The following KCNQ1OT1 variants were observed in gnomAD, a reference collection of about 807,000 sequenced individuals.
KCNQ1OT1 encodes KCNQ1 opposite strand/antisense transcript 1, also known as KCNQ1 antisense RNA 2 (non-protein coding).
exon 1 of KCNQ1OT1, chr11:2,684,682 G>T: frequency 2.5e-6 from 1 of 398,632 alleles, no homozygotes; most frequent in Admixed American, 4.4e-5. Context: ...GGGAGCTAGT[G>T]GCCAACTGAG....
chr11:2,681,398 A>G, exon 1 of KCNQ1OT1: 1 of 398,482 alleles, frequency 2.5e-6, no homozygotes, highest in Non-Finnish European at 4.4e-6. Context: ...TGGGGTGACT[A>G]AAGGCAAAGA....
chr11:2,630,081 C>T, exon 1 of KCNQ1OT1: 1 of 398,256 alleles, frequency 2.5e-6, no homozygotes, highest in Admixed American at 4.4e-5. Flanking sequence ...TATTGTGTTG[C>T]AGTACATTCC....
Position 2,661,931 on chromosome 11 carries a change from T to A in KCNQ1OT1, n.38064A>T. 2.5e-6 allele frequency: 4 copies of A among 1,614,016 alleles called. No homozygotes were observed. Among genetic ancestry groups the A allele is most frequent in the Non-Finnish European group, 3.4e-6 (4 of 1,180,024 alleles). On this transcript the variant is annotated non_coding_transcript_exon_variant, in exon 1 of 1. Transcript: ENST00000597346. This position sits in a 1 kb window ranked among gnomAD's most constrained non-coding sequence, Gnocchi z 5.9. ...GCACTGGCAGGTTGGGTGGGAGGCC[T>A]AACGTGCTGTCCCCACACTTTCTCC...
rs540371489 is a variant in KCNQ1OT1, at chr11:2,644,952, G to A, written n.55043C>T. The stretch of plus-strand genomic sequence containing the variant: ...CCCAGTGGCAGCAGTGGCTGGCCCC[G>A]AATGCTTATCCTTGGGCCCAATGGT... On this transcript the variant is annotated non_coding_transcript_exon_variant, in exon 1 of 1. Transcript: ENST00000597346. The A allele has an allele frequency of 1.8e-4, 73 of 398,642 alleles. No individual in the cohort carries two copies. The highest frequency in any genetic ancestry group is 1.1e-3 in the African/African-American group (56 of 48,740). The allele number at this position is 398,642 out of a possible 1,614,324, so 24.7% of individuals were successfully genotyped here. A position where few individuals can be genotyped will look rare whatever the true frequency, so the allele number is the denominator to read the frequency against.
At chr11:2,648,449 A>G (rs1479866971) in exon 1 of KCNQ1OT1, 3 of 398,272 alleles carry the variant, frequency 7.5e-6, no homozygotes, top group African/African-American at 4.1e-5. Context: ...GTTGTACCCT[A>G]TACATTTTTG....
chr11:2,616,955 CTTG>C (rs576722735), exon 1 of KCNQ1OT1: 10 of 362,796 alleles, frequency 2.8e-5, no homozygotes, highest in Non-Finnish European at 4.7e-5. Context: ...TGTACATTAT[CTTG>C]TTGTGTTTTT....
exon 1 of KCNQ1OT1, chr11:2,609,333 A>G (rs1478499481): frequency 2.5e-6 from 1 of 398,212 alleles, no homozygotes; most frequent in African/African-American, 2.1e-5. Context: ...ATGTTTCCCT[A>G]ATTTCTTTGC....
rs1849281648 is a variant in KCNQ1OT1, at chr11:2,627,562, T to G, written n.72433A>C. 1 of 398,482 alleles carries G rather than the reference T, an allele frequency of 2.5e-6. No homozygotes were observed. Among genetic ancestry groups the G allele is most frequent in the African/African-American group, 2.1e-5 (1 of 48,622 alleles). 24.7% of individuals were successfully genotyped at this position (398,482 alleles called of 1,614,324 possible). On this transcript the variant is annotated non_coding_transcript_exon_variant, in exon 1 of 1. Transcript: ENST00000597346. The surrounding 1 kb of genome is among the most constrained non-coding windows in gnomAD (Gnocchi z 4.9). Reference sequence around the variant, plus strand: ...TGGGATAGTGCAGTATTTGTCTTTCTGTGTCTGGCTATTTCACTTAGCATA... The same window carrying G: ...TGGGATAGTGCAGTATTTGTCTTTCGGTGTCTGGCTATTTCACTTAGCATA...
rs767672299 is a variant in KCNQ1OT1 at position 2,613,266 on chromosome 11, C to T, written n.86729G>A. 3.0e-4 allele frequency: 118 copies of T among 398,432 alleles called. No individual in the cohort carries two copies. Among genetic ancestry groups the T allele is most frequent in the Non-Finnish European group, 4.6e-4 (105 of 226,056 alleles). The allele number at this position is 398,432 out of a possible 1,614,324, so 24.7% of individuals were successfully genotyped here. ...GATAAGTAGATAGCAGGAAACCTCT[C>T]TGATCTCTCCTGCAAGCATGTACAA... On this transcript the variant is annotated non_coding_transcript_exon_variant, in exon 1 of 1. Transcript: ENST00000597346. This position sits in a 1 kb window ranked among gnomAD's most constrained non-coding sequence, Gnocchi z 4.8.
At position 2,611,182 on chromosome 11, in the gene KCNQ1OT1, A is replaced by T; in HGVS notation, n.88813T>A. 2.5e-6 allele frequency: 1 copy of T among 398,290 alleles called. No homozygotes were observed. The highest frequency in any genetic ancestry group is 4.4e-6 in the Non-Finnish European group (1 of 226,000). 24.7% of individuals were successfully genotyped at this position (398,290 alleles called of 1,614,324 possible). On this transcript the variant is annotated non_coding_transcript_exon_variant, in exon 1 of 1. Transcript: ENST00000597346. This position sits in a 1 kb window ranked among gnomAD's most constrained non-coding sequence, Gnocchi z 5.3. ...AATGCTTCTCAGTATCTCTAATAAC[A>T]TGGTTTGTTTTTAAAGTCTATTTTG...
In KCNQ1OT1 at chr11:2,679,694, T is replaced by C. The variant is rs555789258; in HGVS notation, n.20301A>G. ...GCATAGGATCCCAGATTAGATTTTT[T>C]TTAAATCAGCCGTTCTCTGTATTCT... On this transcript the variant is annotated non_coding_transcript_exon_variant, in exon 1 of 1. Transcript: ENST00000597346. The surrounding 1 kb of genome is among the most constrained non-coding windows in gnomAD (Gnocchi z 4.8). The C allele has an allele frequency of 2.5e-6, 1 of 398,584 alleles. No homozygotes were observed. Among genetic ancestry groups the C allele is most frequent in the South Asian group, 1.3e-4 (1 of 7,856 alleles). The allele number at this position is 398,584 out of a possible 1,614,324, so 24.7% of individuals were successfully genotyped here.
exon 1 of KCNQ1OT1, chr11:2,689,588 C>T (rs1274158259): frequency 1.5e-5 from 6 of 398,562 alleles, no homozygotes; most frequent in African/African-American, 1.2e-4. Flanking sequence ...GCAGTGGTGT[C>T]TTCTAGATTC....
exon 1 of KCNQ1OT1, chr11:2,641,283 A>G (rs1378903490): frequency 3.3e-5 from 13 of 398,364 alleles, no homozygotes; most frequent in Non-Finnish European, 5.8e-5. Flanking sequence ...CCAACAGTGT[A>G]TAAGAGTTCC....
chr11:2,632,967 C>CA (rs1288543916), exon 1 of KCNQ1OT1: 1 of 398,294 alleles, frequency 2.5e-6, no homozygotes, highest in East Asian at 3.6e-5. Context: ...TGATAGTCTA[C>CA]TTTTAGTTTT....
chr11:2,661,535 C>A lies in KCNQ1OT1; in HGVS notation n.38460G>T, dbSNP rs1324908855. 6.1e-6 allele frequency: 3 copies of A among 495,796 alleles called. No individual in the cohort carries two copies. The Admixed American group carries it at 1.1e-4, about 17-fold the overall frequency. The allele number at this position is 495,796 out of a possible 1,614,324, so 30.7% of individuals were successfully genotyped here. A position where few individuals can be genotyped will look rare whatever the true frequency, so the allele number is the denominator to read the frequency against. On this transcript the variant is annotated non_coding_transcript_exon_variant, in exon 1 of 1. Transcript: ENST00000597346. The surrounding 1 kb of genome is among the most constrained non-coding windows in gnomAD (Gnocchi z 5.9). ...GGTCCTATCACCCCATCTTTCCTGA[C>A]CCACTACTCTGTCAATGTATGAGTG... is the stretch of plus-strand genomic sequence containing the variant.
chr11:2,634,246 T>C, exon 1 of KCNQ1OT1: 1 of 385,844 alleles, frequency 2.6e-6, no homozygotes. Flanking sequence ...TGTATACATG[T>C]GCCATGTTGG....
exon 1 of KCNQ1OT1, chr11:2,699,773 C>T (rs1184387518): frequency 2.5e-6 from 1 of 397,568 alleles, no homozygotes; most frequent in Non-Finnish European, 4.4e-6. Context: ...GCTGAGGAGC[C>T]CCGAGGAGAA....
Position 2,673,436 on chromosome 11 carries a change from T to C in KCNQ1OT1, n.26559A>G. The C allele has an allele frequency of 2.5e-6, 1 of 398,680 alleles. No individual in the cohort carries two copies. Among genetic ancestry groups the C allele is most frequent in the East Asian group, 3.6e-5 (1 of 28,082 alleles). The allele number at this position is 398,680 out of a possible 1,614,324, so 24.7% of individuals were successfully genotyped here. The stretch of plus-strand genomic sequence containing the variant: ...AGGCACCAGGCCTGGAGGTTCCAAC[T>C]TGGTGTTGGGCCTCCTTGAGCCGGA... On this transcript the variant is annotated non_coding_transcript_exon_variant, in exon 1 of 1. Transcript: ENST00000597346. This position sits in a 1 kb window ranked among gnomAD's most constrained non-coding sequence, Gnocchi z 4.5.
exon 1 of KCNQ1OT1, chr11:2,630,272 G>A (rs1849331683): frequency 2.5e-6 from 1 of 397,986 alleles, no homozygotes; most frequent in Non-Finnish European, 4.4e-6. Context: ...CCATGTTTGT[G>A]ATATATGATT....
Sources: allele counts gnomAD v4.1 joint callset, GRCh38; gene constraint gnomAD v4.1.1; non-coding constraint Gnocchi (gnomAD v3.1); transcripts MANE v1.5; gene names NCBI Gene and HGNC (gene_info 2026-07-23, HGNC 2026-07-21).